The following C8orf88 variants were observed in gnomAD, a reference collection of about 807,000 sequenced individuals.
C8orf88 encodes the protein chromosome 8 open reading frame 88.
In C8orf88, 14 loss-of-function variants were observed where a neutral mutation model predicts 18.4. That is an observed-to-expected ratio of 0.76 (90% CI 0.50 to 1.19). The LOEUF is 1.19. C8orf88 is among the 50% of genes most tolerant of loss of function. The pLI, the probability that C8orf88 is intolerant of heterozygous loss-of-function variation, is 0.00. For synonymous variants in C8orf88, 45 were observed against 42.9 expected (o/e 1.05, Z -0.19); for missense variants, 116 against 134.7 (o/e 0.86, Z 0.69).
At chr8:90,974,887 A>T (rs971313960) in intron 3 of C8orf88, among the ~76,000 whole-genome samples, 9 of 152,170 alleles carry the variant, frequency 5.9e-5, no homozygotes, top group African/African-American at 1.9e-4. Flanking sequence ...CTACAAAAAA[A>T]GTTGCTAGAT....
Position 90,980,443 on chromosome 8 carries a change from AAG to A in C8orf88, c.-10_-9del, listed in dbSNP as rs1361340578. On this transcript the variant is annotated 5_prime_UTR_variant, in exon 2 of 6. An upstream open reading frame in the 5' UTR gains an earlier in-frame stop. Transcript: ENST00000517562. ...TAATTTTTTGGTTTCCATTGTCACA[AAG>A]ACTTTGAGGTTCCATACTAGAAGAC... 6.6e-7 allele frequency: 1 copy of A among 1,521,056 alleles called. No individual in the cohort carries two copies. Among genetic ancestry groups the A allele is most frequent in the Admixed American group, 2.1e-5 (1 of 48,668 alleles). The allele number at this position is 1,521,056 out of a possible 1,614,324, so 94.2% of individuals were successfully genotyped here.
At chr8:90,974,539 G>C (rs1811321558) in intron 3 of C8orf88, among the ~76,000 whole-genome samples, 1 of 152,092 alleles carries the variant, frequency 6.6e-6, no homozygotes, top group Non-Finnish European at 1.5e-5. Context: ...GATAGGGCCA[G>C]CTCAGTCCAG....
At chr8:90,959,114 C>A in intron 5 of C8orf88, 84 bp from the exon 6 acceptor site, 2 of 612,290 alleles carry the variant, frequency 3.3e-6, no homozygotes, top group South Asian at 2.1e-5. Context: ...ATACTGTGAA[C>A]GTACCAGGTG....
At chr8:90,983,734 G>C (rs1295823352) in intron 1 of C8orf88, among the ~76,000 whole-genome samples, 1 of 152,020 alleles carries the variant, frequency 6.6e-6, no homozygotes, top group Non-Finnish European at 1.5e-5. Flanking sequence ...GAAACCTGAG[G>C]CTCAGAAAAA....
At chr8:90,980,964 C>G (rs567773074) in intron 1 of C8orf88, among the ~76,000 whole-genome samples, 7 of 151,980 alleles carry the variant, frequency 4.6e-5, no homozygotes, top group Non-Finnish European at 8.8e-5. Flanking sequence ...TAGCTGATTC[C>G]TCTTCTTCTG....
intron 4 of C8orf88, among the ~76,000 whole-genome samples, chr8:90,966,614 C>G (rs953039573): frequency 6.7e-6 from 1 of 148,654 alleles, no homozygotes; most frequent in African/African-American, 2.5e-5. Flanking sequence ...ACTAAAAAAC[C>G]TTTACCAAGA....
intron 4 of C8orf88, among the ~76,000 whole-genome samples, chr8:90,965,210 A>C (rs537224237): frequency 6.6e-6 from 1 of 151,908 alleles, no homozygotes; most frequent in East Asian, 1.9e-4. Context: ...GCAGTAACCA[A>C]AAGAGAGCTG....
chr8:90,960,933 T>C (rs978513838), intron 4 of C8orf88, 85 bp from the exon 5 acceptor site: 4 of 662,600 alleles, frequency 6.0e-6, no homozygotes, highest in Non-Finnish European at 1.0e-5. Context: ...CTGGATGTCC[T>C]CTATTCATTA....
intron 1 of C8orf88, among the ~76,000 whole-genome samples, chr8:90,982,512 G>C (rs2130328668): frequency 6.6e-6 from 1 of 152,226 alleles, no homozygotes; most frequent in Non-Finnish European, 1.5e-5. Flanking sequence ...GTTGTAGGTT[G>C]TTAAGTCTTT....
chr8:90,974,659 T>C (rs1251912610), intron 3 of C8orf88, among the ~76,000 whole-genome samples: 1 of 152,034 alleles, frequency 6.6e-6, no homozygotes, highest in African/African-American at 2.4e-5. Context: ...AAGTTGTTCA[T>C]AAAGAAAGAT....
At chr8:90,975,741 C>T (rs898984508) in intron 3 of C8orf88, among the ~76,000 whole-genome samples, 17 of 151,884 alleles carry the variant, frequency 1.1e-4, no homozygotes, top group African/African-American at 2.9e-4. Context: ...TATCTTATAA[C>T]GCTAAACAAA....
intron 5 of C8orf88, chr8:90,959,323 C>T (rs1033878030): frequency 5.6e-6 from 1 of 179,972 alleles, no homozygotes; most frequent in Non-Finnish European, 1.2e-5. Context: ...AAAATGAATT[C>T]TAATGTACAA....
intron 1 of C8orf88, among the ~76,000 whole-genome samples, chr8:90,983,271 G>A (rs139453088): frequency 6.6e-6 from 1 of 152,190 alleles, no homozygotes; most frequent in African/African-American, 2.4e-5. Flanking sequence ...AGGATATTTT[G>A]ATCCAATGTC....
intron 1 of C8orf88, among the ~76,000 whole-genome samples, chr8:90,983,224 T>C (rs1811459209): frequency 6.6e-6 from 1 of 152,150 alleles, no homozygotes; most frequent in Non-Finnish European, 1.5e-5. Context: ...AATTTAAAAA[T>C]GTAAATGTAT....
intron 3 of C8orf88, 130 bp from the exon 4 acceptor site, chr8:90,971,271 T>C: frequency 2.4e-6 from 1 of 420,030 alleles, no homozygotes. Flanking sequence ...GCAATCATTA[T>C]AAGTCTGCTT....
At chr8:90,970,223 A>C (rs1350970625) in intron 4 of C8orf88, among the ~76,000 whole-genome samples, 1 of 151,974 alleles carries the variant, frequency 6.6e-6, no homozygotes, top group Non-Finnish European at 1.5e-5. Flanking sequence ...GGGGAGATGA[A>C]AAGGTGAAGA....
chr8:90,979,453 A>T (rs1033626678), intron 2 of C8orf88, among the ~76,000 whole-genome samples: 1 of 152,196 alleles, frequency 6.6e-6, no homozygotes, highest in Non-Finnish European at 1.5e-5. Flanking sequence ...GTCCCAGAAG[A>T]TCCATTAATT....
intron 3 of C8orf88, among the ~76,000 whole-genome samples, chr8:90,972,585 A>T (rs1282451641): frequency 6.6e-6 from 1 of 152,116 alleles, no homozygotes; most frequent in Non-Finnish European, 1.5e-5. Flanking sequence ...TTCAAATAAT[A>T]GCATGTAAAA....
At chr8:90,966,416 G>A (rs1328533495) in intron 4 of C8orf88, among the ~76,000 whole-genome samples, 22 of 147,952 alleles carry the variant, frequency 1.5e-4, no homozygotes, top group Non-Finnish European at 2.1e-4. Flanking sequence ...TGATGAGTTA[G>A]TGGGTGCAGT....
Sources: allele counts gnomAD v4.1 joint callset (sites outside exome capture counted in the v4.1 genomes callset), GRCh38; gene constraint gnomAD v4.1.1; transcripts MANE v1.5; gene names NCBI Gene and HGNC (gene_info 2026-07-23, HGNC 2026-07-21).